Variants in STRN3 observed in about 807,000 individuals in gnomAD.
The protein encoded by STRN3 is striatin-3.
STRN3 carries 29 observed loss-of-function variants against 95.6 expected under a neutral mutation model. That is an observed-to-expected ratio of 0.30 (90% confidence interval 0.23 to 0.41). STRN3 has a LOEUF of 0.41. Among genes scored for constraint, STRN3 ranks in the 10% least tolerant of loss-of-function variants. The probability of loss-of-function intolerance (pLI) is 1.00; values close to 1 mark genes in which losing one functional copy is unlikely to be tolerated. For synonymous variants in STRN3, 331 were observed against 357.6 expected, an observed-to-expected ratio of 0.93 and a Z score of 0.84; for missense variants, 890 against 972.1, an observed-to-expected ratio of 0.92 and a Z score of 1.12.
At chr14:30,975,021 T>C (rs1459482430) in intron 1 of STRN3, among the ~76,000 whole-genome samples, 2 of 148,724 alleles carry the variant, frequency 1.3e-5, no homozygotes, top group Non-Finnish European at 3.0e-5. Context: ...CAATATAATA[T>C]TATGTGAAAG....
chr14:30,901,038 G>GA, intron 16 of STRN3, among the ~76,000 whole-genome samples: 1 of 151,996 alleles, frequency 6.6e-6, no homozygotes, highest in Non-Finnish European at 1.5e-5. Context: ...TAATAAACAG[G>GA]AATCTTTTTA....
chr14:31,015,376 A>ATT (rs1265146478), intron 1 of STRN3, among the ~76,000 whole-genome samples: 11 of 142,844 alleles, frequency 7.7e-5, no homozygotes, highest in Non-Finnish European at 9.3e-5. Flanking sequence ...AACACTTTCA[A>ATT]TTTTTTTTTT....
intron 5 of STRN3, among the ~76,000 whole-genome samples, chr14:30,939,201 G>A (rs1252844429): frequency 6.6e-6 from 1 of 152,150 alleles, no homozygotes; most frequent in Non-Finnish European, 1.5e-5. Context: ...TGACTTCCCA[G>A]AAGACTGTCT....
intron 16 of STRN3, among the ~76,000 whole-genome samples, chr14:30,896,297 T>A (rs1185690053): frequency 1.3e-5 from 2 of 152,186 alleles, no homozygotes; most frequent in Non-Finnish European, 2.9e-5. Flanking sequence ...TGTAAAGCAA[T>A]GACAATAGGA....
At chr14:30,973,295 A>G (rs1054481217) in intron 1 of STRN3, among the ~76,000 whole-genome samples, 11 of 151,002 alleles carry the variant, frequency 7.3e-5, no homozygotes, top group African/African-American at 2.4e-4. Flanking sequence ...CAAAAGTCAA[A>G]TCTTTGAAAA....
chr14:31,021,546 C>T (rs572756178), intron 1 of STRN3, among the ~76,000 whole-genome samples: 3 of 151,966 alleles, frequency 2.0e-5, no homozygotes, highest in Non-Finnish European at 4.4e-5. Flanking sequence ...TACATGGTAG[C>T]TAAAAATCTG....
At chr14:30,947,038 T>A in intron 5 of STRN3, 52 bp downstream of exon 5, 4 of 1,176,254 alleles carry the variant, frequency 3.4e-6, no homozygotes, top group Non-Finnish European at 4.6e-6. Flanking sequence ...AGATTAACAA[T>A]AACAATATCC....
intron 13 of STRN3, among the ~76,000 whole-genome samples, chr14:30,907,340 C>A (rs372358253): frequency 3.3e-5 from 5 of 150,912 alleles, no homozygotes; most frequent in East Asian, 3.9e-4. Flanking sequence ...TACCATACAA[C>A]TCTCTCATTT....
intron 1 of STRN3, among the ~76,000 whole-genome samples, chr14:31,016,647 G>A (rs1214168425): frequency 3.3e-5 from 5 of 152,162 alleles, no homozygotes; most frequent in East Asian, 3.9e-4. Flanking sequence ...GGGTTAAAGC[G>A]ATTCTCCTGC....
intron 12 of STRN3, 136 bp from the exon 13 acceptor site, chr14:30,911,298 T>TC: frequency 2.0e-6 from 1 of 498,270 alleles, no homozygotes; most frequent in Non-Finnish European, 2.9e-6. Context: ...ACTGGTACTT[T>TC]TTTTTTTTTT....
chr14:31,021,268 AGTGGTTAAGAAC>A (rs1349916915), intron 1 of STRN3, among the ~76,000 whole-genome samples: 22 of 152,354 alleles, frequency 1.4e-4, no homozygotes, highest in African/African-American at 5.3e-4. Context: ...AAAATCTAGT[AGTGGTTAAGAAC>A]ATGGCCTCTA....
chr14:30,992,981 T>G (rs1452936504), intron 1 of STRN3, among the ~76,000 whole-genome samples: 1 of 152,226 alleles, frequency 6.6e-6, no homozygotes, highest in Non-Finnish European at 1.5e-5. Flanking sequence ...GGTGTGCCAT[T>G]GTTCCCAGCT....
At chr14:30,935,708 A>G (rs142676401) in intron 6 of STRN3, among the ~76,000 whole-genome samples, 29 of 152,308 alleles carry the variant, frequency 1.9e-4, no homozygotes, top group Non-Finnish European at 2.8e-4. Context: ...TTAAATTCAT[A>G]GCTGTGATAA....
intron 1 of STRN3, among the ~76,000 whole-genome samples, chr14:30,981,272 C>A (rs1220581858): frequency 6.6e-6 from 1 of 151,996 alleles, no homozygotes; most frequent in African/African-American, 2.4e-5. Context: ...TATGACTGCA[C>A]CACTGCACTC....
In STRN3 at chr14:31,025,892, C is replaced by A; in HGVS notation, c.282+12G>T. The A allele has an allele frequency of 6.3e-7, 1 of 1,597,156 alleles. No individual in the cohort carries two copies. Among genetic ancestry groups the A allele is most frequent in the Non-Finnish European group, 8.5e-7 (1 of 1,172,846 alleles). ...CCGCCGCAGCTCCCGCACACCGACC[C>A]CAACGAGGTACCTGCAGTTCGGCCC... On this transcript the variant is annotated intron_variant, in intron 1 of 17. Coordinates refer to ENST00000357479, the MANE Select transcript of STRN3 (RefSeq NM_001083893.2).
chr14:30,956,455 C>T (rs925575442), intron 1 of STRN3, among the ~76,000 whole-genome samples: 1 of 152,124 alleles, frequency 6.6e-6, no homozygotes, highest in Non-Finnish European at 1.5e-5. Context: ...GAGTTTTAGA[C>T]CAGCCTATGA....
intron 1 of STRN3, among the ~76,000 whole-genome samples, chr14:30,964,797 G>A (rs1028025004): frequency 6.6e-6 from 1 of 152,070 alleles, no homozygotes; most frequent in African/African-American, 2.4e-5. Context: ...GCGCGCACCT[G>A]TAATCCCAAG....
At chr14:30,999,505 C>T (rs967992030) in intron 1 of STRN3, among the ~76,000 whole-genome samples, 1 of 152,072 alleles carries the variant, frequency 6.6e-6, no homozygotes, top group Non-Finnish European at 1.5e-5. Context: ...AACAGAAATT[C>T]TGGAATTGGG....
rs760099054 is a variant in STRN3, at chr14:30,947,191, T to A, written c.615A>T (p.Gly205=). 6.2e-7 allele frequency: 1 copy of A among 1,613,346 alleles called. No individual in the cohort carries two copies. The highest frequency in any genetic ancestry group is 1.7e-4 in the Middle Eastern group (1 of 6,056). The change falls in exon 5 of 18, where the codon GGA becomes GGT. Residue 205 remains glycine, a synonymous_variant. Coordinates refer to ENST00000357479, the MANE Select transcript of STRN3 (RefSeq NM_001083893.2). ...ATCCATTTGGTTCTGAATTAGATAGTCCAAGTAATGACCTTACCCGCTGAG... is the reference window on the plus strand; with the variant it reads ...ATCCATTTGGTTCTGAATTAGATAGACCAAGTAATGACCTTACCCGCTGAG... ...VRSQRVRSLL[G]LSNSEPNGSV...
Sources: gnomAD v4.1 joint callset for allele counts (sites outside exome capture counted in the v4.1 genomes callset) on GRCh38, gnomAD v4.1.1 for gene constraint, MANE v1.5 for transcripts, NCBI Gene and HGNC (gene_info 2026-07-23, HGNC 2026-07-21) for gene names.